CLVS1: variants seen among roughly 807,000 people sequenced by gnomAD.
The protein encoded by CLVS1 is clavesin-1.
In CLVS1, 10 loss-of-function variants were observed where a neutral mutation model predicts 33.1. That is an observed-to-expected ratio of 0.30 (90% CI 0.19 to 0.51). The LOEUF (loss-of-function observed/expected upper bound fraction) is 0.51, where lower values mean the gene tolerates loss of function less well. Ranked by LOEUF, CLVS1 falls within the 20% of genes least tolerant of loss-of-function variation. The pLI is 0.97. For missense variants in CLVS1, 343 were observed against 433.4 expected, an observed-to-expected ratio of 0.79 and a Z score of 1.85; for synonymous variants, 163 against 166.1, an observed-to-expected ratio of 0.98 and a Z score of 0.14.
chr8:61,162,568 C>G (rs1426785967), intron 2 of CLVS1, among the ~76,000 whole-genome samples: 3 of 152,260 alleles, frequency 2.0e-5, no homozygotes. Context: ...ACTATTTTCT[C>G]TCTTTCCTAT....
intron 3 of CLVS1, among the ~76,000 whole-genome samples, chr8:61,423,665 A>C (rs1366774682): frequency 6.6e-6 from 1 of 152,216 alleles, no homozygotes; most frequent in Non-Finnish European, 1.5e-5. Context: ...GTATGGAAAA[A>C]TTGAAAATGT....
intron 2 of CLVS1, among the ~76,000 whole-genome samples, chr8:61,172,141 A>G (rs905748694): frequency 6.6e-6 from 1 of 152,196 alleles, no homozygotes; most frequent in Non-Finnish European, 1.5e-5. Flanking sequence ...CAACGTATCA[A>G]TATATTGTTG....
chr8:61,486,567 C>A (rs17789054), intron 5 of CLVS1, among the ~76,000 whole-genome samples: 4,076 of 152,258 alleles, frequency 0.027, 78 homozygotes, highest in Middle Eastern at 0.048. Flanking sequence ...TAGAATACAT[C>A]TTTGCAGTTG....
the CLVS1 span, among the ~76,000 whole-genome samples, chr8:61,031,160 C>T: frequency 1.3e-5 from 2 of 152,184 alleles, no homozygotes; most frequent in African/African-American, 4.8e-5. Context: ...GAAGAGAATG[C>T]CAGGCCTGGT....
At chr8:61,234,915 T>C (rs1203087349) in intron 2 of CLVS1, among the ~76,000 whole-genome samples, 1 of 152,200 alleles carries the variant, frequency 6.6e-6, no homozygotes, top group Non-Finnish European at 1.5e-5. Context: ...GCTTCTACCC[T>C]GCATCTCTAC....
Position 61,501,441 on chromosome 8 carries a change from C to T in CLVS1, c.*1899C>T, listed in dbSNP as rs540036932. ...TTAAGAGCTAGTTTTTACTCTCTTC[C>T]ATAATTTCATTACATGAATGTAAGA... On this transcript the variant is annotated 3_prime_UTR_variant, in exon 6 of 6. Transcript: ENST00000325897. The T allele has an allele frequency of 6.6e-6, 1 of 152,226 alleles. No individual in the cohort carries two copies. The highest frequency in any genetic ancestry group is 2.4e-5 in the African/African-American group (1 of 41,554). The allele number at this position is 152,226 out of a possible 1,614,324, so 9.4% of individuals were successfully genotyped here. A position where few individuals can be genotyped will look rare whatever the true frequency, so the allele number is the denominator to read the frequency against.
At chr8:61,049,786 C>T in the CLVS1 span, among the ~76,000 whole-genome samples, 36 of 152,278 alleles carry the variant, frequency 2.4e-4, 2 homozygotes, top group South Asian at 3.1e-3. Context: ...TCATAATGAC[C>T]GCCATTACTG....
chr8:61,401,437 G>A (rs1814746970), intron 3 of CLVS1, among the ~76,000 whole-genome samples: 1 of 151,992 alleles, frequency 6.6e-6, no homozygotes, highest in Non-Finnish European at 1.5e-5. Flanking sequence ...TTTTGAAGAA[G>A]TTTCCTTCTA....
chr8:61,389,851 C>A (rs977173438), intron 3 of CLVS1, among the ~76,000 whole-genome samples: 10 of 152,234 alleles, frequency 6.6e-5, no homozygotes, highest in Admixed American at 2.0e-4. Flanking sequence ...AAGAGATAAA[C>A]CTTTGGTCAT....
At chr8:61,048,267 G>A in the CLVS1 span, among the ~76,000 whole-genome samples, 1 of 152,238 alleles carries the variant, frequency 6.6e-6, no homozygotes, top group Admixed American at 6.5e-5. Flanking sequence ...ATGTGTGGCA[G>A]AGCAGGGCAT....
intron 1 of CLVS1, among the ~76,000 whole-genome samples, chr8:61,290,075 G>T (rs1809930954): frequency 6.6e-6 from 1 of 152,178 alleles, no homozygotes; most frequent in Non-Finnish European, 1.5e-5. Flanking sequence ...TGTAAAGAAT[G>T]GTTCAGCTCA....
chr8:61,026,378 T>C, the CLVS1 span, among the ~76,000 whole-genome samples: 1 of 152,312 alleles, frequency 6.6e-6, no homozygotes, highest in South Asian at 2.1e-4. Context: ...AGACAATAAA[T>C]GTCTGCTGTT....
At chr8:61,377,426 C>A (rs1027445968) in intron 3 of CLVS1, 2 of 152,172 alleles carry the variant, frequency 1.3e-5, no homozygotes, top group African/African-American at 4.8e-5. Flanking sequence ...CACATTATTA[C>A]AAATTACTAT....
intron 2 of CLVS1, among the ~76,000 whole-genome samples, chr8:61,184,181 CAAG>C (rs559535986): frequency 1.3e-5 from 2 of 152,116 alleles, no homozygotes; most frequent in South Asian, 2.1e-4. Context: ...TTGTAGAAAA[CAAG>C]AAGAAGGATC....
chr8:61,116,767 A>C (rs2129289106), intron 1 of CLVS1, among the ~76,000 whole-genome samples: 1 of 143,338 alleles, frequency 7.0e-6, no homozygotes, highest in South Asian at 2.5e-4. Flanking sequence ...TGTTTTGGTT[A>C]CTGTAGCCTT....
chr8:61,064,902 C>T (rs555670327), intron 1 of CLVS1, among the ~76,000 whole-genome samples: 1 of 152,344 alleles, frequency 6.6e-6, no homozygotes, highest in Non-Finnish European at 1.5e-5. Context: ...AGGGTTTCAC[C>T]AAGTTGGCCA....
chr8:61,499,612 C>A lies in CLVS1; in HGVS notation c.*70C>A, dbSNP rs1804489931. The A allele has an allele frequency of 1.8e-6, 2 of 1,103,630 alleles. No homozygotes were observed. The highest frequency in any genetic ancestry group is 2.8e-6 in the Non-Finnish European group (2 of 720,076). 68.4% of individuals were successfully genotyped at this position (1,103,630 alleles called of 1,614,324 possible). A position where few individuals can be genotyped will look rare whatever the true frequency, so the allele number is the denominator to read the frequency against. On this transcript the variant is annotated 3_prime_UTR_variant, in exon 6 of 6. Coordinates refer to ENST00000325897, the MANE Select transcript of CLVS1 (RefSeq NM_173519.3). ...ATCAGCCACCCAGGAAGCACATGCA[C>A]AACTGACCCATGCAGACACGTGTGT...
chr8:61,364,776 T>C (rs1813124877), intron 2 of CLVS1, among the ~76,000 whole-genome samples: 1 of 152,244 alleles, frequency 6.6e-6, no homozygotes, highest in Non-Finnish European at 1.5e-5. Flanking sequence ...GTTATCCTTG[T>C]AGAATGTATT....
the CLVS1 span, among the ~76,000 whole-genome samples, chr8:60,994,047 T>C: frequency 1.3e-5 from 2 of 152,216 alleles, no homozygotes; most frequent in African/African-American, 4.8e-5. Context: ...TGACGTGCCA[T>C]AGACCAGGTG....
Sources: allele counts gnomAD v4.1 joint callset (sites outside exome capture counted in the v4.1 genomes callset), GRCh38; gene constraint gnomAD v4.1.1; transcripts MANE v1.5; gene names NCBI Gene and HGNC (gene_info 2026-07-23, HGNC 2026-07-21).